DLGAP2: variants seen among roughly 807,000 people sequenced by gnomAD.
DLGAP2 encodes DLG associated protein 2.
DLGAP2 carries 26 observed loss-of-function variants against 100.3 expected under a neutral mutation model. The observed-to-expected ratio is 0.26, with a 90% CI of 0.19 to 0.36. DLGAP2 has a LOEUF of 0.36. Ranked by LOEUF, DLGAP2 falls within the 10% of genes least tolerant of loss-of-function variation. The pLI is 1.00. For synonymous variants in DLGAP2, 886 were observed against 630.1 expected, an observed-to-expected ratio of 1.41 and a Z score of -6.08; for missense variants, 1,858 against 1,453.2, an observed-to-expected ratio of 1.28 and a Z score of -4.53.
At chr8:1,488,179 C>T (rs2130271624) in intron 3 of DLGAP2, among the ~76,000 whole-genome samples, 1 of 152,214 alleles carries the variant, frequency 6.6e-6, no homozygotes, top group East Asian at 1.9e-4. Flanking sequence ...TCCACACAGT[C>T]CTCCCCACAC....
intron 3 of DLGAP2, among the ~76,000 whole-genome samples, chr8:1,439,103 G>A (rs138688945): frequency 2.0e-5 from 3 of 152,186 alleles, no homozygotes; most frequent in Non-Finnish European, 4.4e-5. Context: ...GGCTGAGAAA[G>A]TGGTGACTTT....
At chr8:1,438,174 G>C (rs1319307915) in intron 3 of DLGAP2, among the ~76,000 whole-genome samples, 1 of 152,098 alleles carries the variant, frequency 6.6e-6, no homozygotes, top group Non-Finnish European at 1.5e-5. Context: ...GTGGTTACGA[G>C]GGGCAACCAG....
intron 2 of DLGAP2, among the ~76,000 whole-genome samples, chr8:1,056,967 C>T (rs1022074973): frequency 2.6e-5 from 4 of 152,182 alleles, no homozygotes; most frequent in East Asian, 1.9e-4. Context: ...TAAATCACCT[C>T]GAAGAGACAG....
At chr8:994,517 G>T (rs531404795) in intron 2 of DLGAP2, among the ~76,000 whole-genome samples, 1 of 152,098 alleles carries the variant, frequency 6.6e-6, no homozygotes, top group Non-Finnish European at 1.5e-5. Flanking sequence ...TTTTAATAAC[G>T]GTTGTCTCTG....
intron 2 of DLGAP2, among the ~76,000 whole-genome samples, chr8:1,230,072 A>G (rs1021910124): frequency 6.6e-6 from 1 of 152,110 alleles, no homozygotes; most frequent in East Asian, 1.9e-4. Context: ...AAGTCAAACT[A>G]TTTGTCTTCA....
rs1585009962 is a variant in DLGAP2 at position 1,626,623 on chromosome 8, C to T, written c.1443-117C>T. On this transcript the variant is annotated intron_variant, in intron 6 of 14. Transcript: ENST00000637795. ...CTGGGTGTGGGTTGGACGGTCGTTC[C>T]CACCTCTGCCCTGTGGTGGGTGCTC... is the stretch of plus-strand genomic sequence containing the variant. 4 of 1,363,558 alleles carry T rather than the reference C, an allele frequency of 2.9e-6. No homozygotes were observed. The East Asian group carries it at 1.0e-4, about 34-fold the overall frequency. The allele number at this position is 1,363,558 out of a possible 1,614,324, so 84.5% of individuals were successfully genotyped here.
At chr8:1,349,994 A>C (rs1360630596) in intron 3 of DLGAP2, among the ~76,000 whole-genome samples, 2 of 152,236 alleles carry the variant, frequency 1.3e-5, no homozygotes, top group Admixed American at 6.5e-5. Flanking sequence ...CAACCAAAAC[A>C]ACACATATAA....
rs1037847162 is a variant in DLGAP2, at chr8:1,702,230, TC to T, written c.*825del. ...GTAAACAGTTATTGTATTTTTTATT[TC>T]TTTCTAACTTAAAATACGACACCCA... On this transcript the variant is annotated 3_prime_UTR_variant, in exon 15 of 15. Transcript: ENST00000637795. 68 of 119,898 alleles carry T rather than the reference TC, an allele frequency of 5.7e-4. No homozygotes were observed. Among genetic ancestry groups the T allele is most frequent in the African/African-American group, 1.7e-3 (64 of 38,730 alleles). The allele number at this position is 119,898 out of a possible 1,614,324, so 7.4% of individuals were successfully genotyped here. A position where few individuals can be genotyped will look rare whatever the true frequency, so the allele number is the denominator to read the frequency against.
chr8:848,812 TGCCAG>T (rs1202284163), intron 1 of DLGAP2, among the ~76,000 whole-genome samples: 21 of 151,738 alleles, frequency 1.4e-4, no homozygotes, highest in Non-Finnish European at 1.8e-4. Flanking sequence ...TGTAGGAACG[TGCCAG>T]GGTTTGTTCC....
At chr8:878,313 G>T (rs1038605296) in intron 1 of DLGAP2, among the ~76,000 whole-genome samples, 13 of 152,170 alleles carry the variant, frequency 8.5e-5, no homozygotes, top group Non-Finnish European at 1.8e-4. Flanking sequence ...AGATCCATGG[G>T]ACCCTCTGAA....
chr8:1,264,828 G>A (rs983166617), intron 3 of DLGAP2, among the ~76,000 whole-genome samples: 5 of 152,128 alleles, frequency 3.3e-5, no homozygotes, highest in African/African-American at 9.7e-5. Context: ...GCCATGGGAG[G>A]GACCCAGTGG....
intron 1 of DLGAP2, among the ~76,000 whole-genome samples, chr8:759,656 G>C (rs1323611083): frequency 6.6e-6 from 1 of 152,174 alleles, no homozygotes; most frequent in Non-Finnish European, 1.5e-5. Context: ...CAGCACTCCG[G>C]TGTCCCCCAG....
chr8:809,454 G>A (rs1322066650), intron 1 of DLGAP2, among the ~76,000 whole-genome samples: 1 of 110,840 alleles, frequency 9.0e-6, no homozygotes, highest in African/African-American at 3.5e-5. Context: ...TCTGTCTCTG[G>A]CAGGTTTTTT....
intron 2 of DLGAP2, among the ~76,000 whole-genome samples, chr8:1,078,054 C>G (rs965184939): frequency 1.3e-5 from 2 of 152,274 alleles, no homozygotes; most frequent in East Asian, 3.9e-4. Flanking sequence ...TTAAATCCCA[C>G]CGGGACCCGG....
intron 2 of DLGAP2, among the ~76,000 whole-genome samples, chr8:1,060,909 A>T (rs1327291931): frequency 6.6e-6 from 1 of 152,222 alleles, no homozygotes; most frequent in Admixed American, 6.5e-5. Context: ...ATCTTAGGGA[A>T]GGGAGACTTA....
chr8:1,447,336 G>C (rs1460101747), intron 3 of DLGAP2, among the ~76,000 whole-genome samples: 3 of 152,188 alleles, frequency 2.0e-5, no homozygotes, highest in Non-Finnish European at 4.4e-5. Context: ...TGCATCTATT[G>C]AGATAATCAT....
intron 3 of DLGAP2, among the ~76,000 whole-genome samples, chr8:1,341,987 G>T (rs985558627): frequency 8.5e-5 from 13 of 152,246 alleles, no homozygotes; most frequent in Admixed American, 2.6e-4. Flanking sequence ...ATCTCTCTCT[G>T]TCACCCGGGC....
intron 2 of DLGAP2, among the ~76,000 whole-genome samples, chr8:1,192,458 T>C (rs567986476): frequency 6.6e-6 from 1 of 152,218 alleles, no homozygotes; most frequent in African/African-American, 2.4e-5. Context: ...ATATGATGTG[T>C]TGCTATGAAC....
At chr8:1,508,923 C>T (rs959644507) in intron 4 of DLGAP2, among the ~76,000 whole-genome samples, 3 of 152,076 alleles carry the variant, frequency 2.0e-5, no homozygotes, top group African/African-American at 7.2e-5. Context: ...TTCTGTTCTG[C>T]AGTTCTTTAG....
Sources: allele counts gnomAD v4.1 joint callset (sites outside exome capture counted in the v4.1 genomes callset), GRCh38; gene constraint gnomAD v4.1.1; transcripts MANE v1.5; gene names NCBI Gene and HGNC (gene_info 2026-07-23, HGNC 2026-07-21).